The following SEC22A variants were observed in gnomAD, a reference collection of about 807,000 sequenced individuals.
SEC22A encodes the protein vesicle-trafficking protein SEC22a.
Under a neutral mutation model 35.3 loss-of-function variants are expected in SEC22A, and 22 were observed. The ratio of observed to expected loss-of-function variants is 0.62; its 90% CI spans 0.45 to 0.89. The LOEUF (loss-of-function observed/expected upper bound fraction) is 0.89. Among genes scored for constraint, SEC22A ranks in the 40% least tolerant of loss-of-function variants. The pLI is 0.00. For missense variants in SEC22A, 354 were observed against 362.5 expected (o/e 0.98, Z 0.19); for synonymous variants, 119 against 129.5 (o/e 0.92, Z 0.55).
Position 123,268,599 on chromosome 3 carries a change from A to T in SEC22A, c.724-2923A>T, listed in dbSNP as rs565415834. Among the ~76,000 whole-genome samples the T allele has an allele frequency of 2.0e-5, 3 of 152,296 alleles. No individual in the cohort carries two copies. In the East Asian group the frequency reaches 5.8e-4, roughly 29 times the overall value. ...GTTGTTTTTAAAGTAAGTTACAGAC[A>T]TCATGATATTTTTTACCTTAAAATA... is the stretch of plus-strand genomic sequence containing the variant. On this transcript the variant is annotated intron_variant, in intron 6 of 6. Transcript: ENST00000492595.
In SEC22A at chr3:123,255,922, C is replaced by CTT. The variant is rs35426251; in HGVS notation, c.658-3590_658-3589dup. Among the ~76,000 whole-genome samples the CTT allele has an allele frequency of 4.9e-3, 709 of 143,772 alleles. 3 individuals are homozygous for CTT. Among genetic ancestry groups the CTT allele is most frequent in the Non-Finnish European group, 8.9e-3 (581 of 65,380 alleles). 94.3% of individuals were successfully genotyped at this position (143,772 alleles called of 152,430 possible). A position where few individuals can be genotyped will look rare whatever the true frequency, so the allele number is the denominator to read the frequency against. ...TACCTACCATTTTACTTTCTTCTTT[C>CTT]TTTTTTTTTTTTTACTGAGTCATTT... On this transcript the variant is annotated intron_variant, in intron 5 of 6. Transcript: ENST00000492595.
chr3:123,241,048 C>G (rs1937515947), intron 4 of SEC22A, among the ~76,000 whole-genome samples: 1 of 149,420 alleles, frequency 6.7e-6, no homozygotes, highest in African/African-American at 2.5e-5. Context: ...CACACATCCC[C>G]TTCATAATCC....
rs1402406260 is a variant in SEC22A at position 123,272,396 on chromosome 3, C to T, written c.*674C>T. 1 of 152,168 alleles carries T rather than the reference C, an allele frequency of 6.6e-6. No homozygotes were observed. The highest frequency in any genetic ancestry group is 1.5e-5 in the Non-Finnish European group (1 of 68,034). The allele number at this position is 152,168 out of a possible 1,614,324, so 9.4% of individuals were successfully genotyped here. ...ACATTTATTGTTTCTTTTGAAATCA[C>T]GTCTAAAAAATATGACTCACACTAT... On this transcript the variant is annotated 3_prime_UTR_variant, in exon 7 of 7. Transcript: ENST00000492595.
intron 4 of SEC22A, among the ~76,000 whole-genome samples, chr3:123,225,818 C>T (rs1937209954): frequency 6.6e-6 from 1 of 152,110 alleles, no homozygotes; most frequent in Admixed American, 6.5e-5. Context: ...ATTATGTACC[C>T]ATTAACCATC....
intron 4 of SEC22A, among the ~76,000 whole-genome samples, chr3:123,244,422 G>A (rs1441748860): frequency 6.6e-6 from 1 of 152,114 alleles, no homozygotes; most frequent in Non-Finnish European, 1.5e-5. Flanking sequence ...GCCTTTAAAT[G>A]TATAGACGAA....
At chr3:123,211,228 A>T (rs1936935678) in intron 2 of SEC22A, among the ~76,000 whole-genome samples, 1 of 152,096 alleles carries the variant, frequency 6.6e-6, no homozygotes, top group African/African-American at 2.4e-5. Context: ...CACCAAAAGA[A>T]CTAGAATGAT....
intron 4 of SEC22A, 139 bp from the exon 5 acceptor site, chr3:123,245,760 A>G: frequency 1.7e-6 from 1 of 575,970 alleles, no homozygotes; most frequent in South Asian, 2.7e-5. Context: ...ACAGTATTTA[A>G]TTGTGAATAT....
chr3:123,258,915 CT>C (rs1937810750), intron 5 of SEC22A, among the ~76,000 whole-genome samples: 1 of 152,148 alleles, frequency 6.6e-6, no homozygotes, highest in African/African-American at 2.4e-5. Context: ...CATTAGTTTT[CT>C]TTTCAGAGAC....
intron 1 of SEC22A, among the ~76,000 whole-genome samples, chr3:123,204,197 A>G (rs926894681): frequency 6.6e-6 from 1 of 152,246 alleles, no homozygotes; most frequent in Non-Finnish European, 1.5e-5. Flanking sequence ...AAACAAGTTC[A>G]TTTAATTTAA....
rs1938186934 is a variant in SEC22A, at chr3:123,272,265, A to C, written c.*543A>C. On this transcript the variant is annotated 3_prime_UTR_variant, in exon 7 of 7. Coordinates refer to ENST00000492595, the MANE Select transcript of SEC22A (RefSeq NM_012430.5). Reference sequence around the variant, plus strand: ...TTTTTACTTTTATATTTTTGCTTGAATCTTAACTCTGGAAATCACCTGATG... The same window carrying C: ...TTTTTACTTTTATATTTTTGCTTGACTCTTAACTCTGGAAATCACCTGATG... 1 of 152,736 alleles carries C rather than the reference A, an allele frequency of 6.5e-6. No individual in the cohort carries two copies. Among genetic ancestry groups the C allele is most frequent in the Non-Finnish European group, 1.5e-5 (1 of 68,280 alleles). The allele number at this position is 152,736 out of a possible 1,614,324, so 9.5% of individuals were successfully genotyped here. A position where few individuals can be genotyped will look rare whatever the true frequency, so the allele number is the denominator to read the frequency against.
At position 123,259,572 on chromosome 3, in the gene SEC22A, G is replaced by A. The variant is rs974191302; in HGVS notation, c.706G>A (p.Ala236Thr). ...NYIIAFFLGTAACLYQCYLLV... is the reference protein window; with the variant it reads ...NYIIAFFLGTTACLYQCYLLV... The stretch of plus-strand genomic sequence containing the variant: ...CATCATTGCATTTTTCCTTGGAACA[G>A]CAGCCTGCCTTTACCAGGTAGGTTT... Residue 236 changes from alanine (A) to threonine (T), a missense_variant, in exon 6 of 7, where the codon GCA becomes ACA. Physicochemically the swap from Ala to Thr is moderately conservative, Grantham distance 58 (BLOSUM62 0). Coordinates refer to ENST00000492595, the MANE Select transcript of SEC22A (RefSeq NM_012430.5). The A allele has an allele frequency of 1.2e-6, 2 of 1,611,966 alleles. No homozygotes were observed. Among genetic ancestry groups the A allele is most frequent in the African/African-American group, 2.7e-5 (2 of 74,874 alleles).
chr3:123,246,265 A>G (rs1038291296), intron 5 of SEC22A, among the ~76,000 whole-genome samples: 10 of 152,226 alleles, frequency 6.6e-5, no homozygotes, highest in Admixed American at 2.6e-4. Context: ...TGTGTGTGAC[A>G]TAGGCCTTGC....
intron 4 of SEC22A, among the ~76,000 whole-genome samples, chr3:123,231,756 A>G (rs1937331022): frequency 6.6e-6 from 1 of 152,208 alleles, no homozygotes; most frequent in Admixed American, 6.5e-5. Flanking sequence ...TTTCCACTTA[A>G]AGATAATGGA....
intron 4 of SEC22A, among the ~76,000 whole-genome samples, chr3:123,239,788 C>G (rs988193183): frequency 2.0e-5 from 3 of 152,092 alleles, no homozygotes; most frequent in African/African-American, 7.2e-5. Flanking sequence ...TGCCTGTTCA[C>G]TCTGATGGTA....
Position 123,271,766 on chromosome 3 carries a change from A to T in SEC22A, c.*44A>T. ...TTGCCTTGGCTTCAGGGGGATAAGGAGGGAACATATCATAACTGCACTGTG... is the reference window on the plus strand; with the variant it reads ...TTGCCTTGGCTTCAGGGGGATAAGGTGGGAACATATCATAACTGCACTGTG... On this transcript the variant is annotated 3_prime_UTR_variant, in exon 7 of 7. Coordinates refer to ENST00000492595, the MANE Select transcript of SEC22A (RefSeq NM_012430.5). 1 of 1,505,260 alleles carries T rather than the reference A, an allele frequency of 6.6e-7. No homozygotes were observed. 93.2% of individuals were successfully genotyped at this position (1,505,260 alleles called of 1,614,324 possible).
intron 6 of SEC22A, among the ~76,000 whole-genome samples, chr3:123,262,028 T>C (rs1937904773): frequency 6.6e-6 from 1 of 152,248 alleles, no homozygotes; most frequent in South Asian, 2.1e-4. Context: ...TGAAACTGCC[T>C]GCTTTCTAAA....
intron 2 of SEC22A, among the ~76,000 whole-genome samples, chr3:123,216,871 C>A (rs1937035632): frequency 6.6e-6 from 1 of 152,152 alleles, no homozygotes; most frequent in Non-Finnish European, 1.5e-5. Context: ...CTCTGTTGCC[C>A]AGGCAGGAGT....
chr3:123,266,508 T>A (rs1938029899), intron 6 of SEC22A, among the ~76,000 whole-genome samples: 1 of 152,174 alleles, frequency 6.6e-6, no homozygotes, highest in African/African-American at 2.4e-5. Context: ...TTTCAATTTT[T>A]AAAATTTCCT....
At position 123,271,739 on chromosome 3, in the gene SEC22A, T is replaced by C. The variant is rs1341271687; in HGVS notation, c.*17T>C. 6.2e-7 allele frequency: 1 copy of C among 1,609,206 alleles called. No homozygotes were observed. ...GATGTCTGACACCATCCTTCAGATCTATTGCCTTGGCTTCAGGGGGATAAG... is the reference window on the plus strand; with the variant it reads ...GATGTCTGACACCATCCTTCAGATCCATTGCCTTGGCTTCAGGGGGATAAG... On this transcript the variant is annotated 3_prime_UTR_variant, in exon 7 of 7. Coordinates refer to ENST00000492595, the MANE Select transcript of SEC22A (RefSeq NM_012430.5).
Sources: allele counts gnomAD v4.1 joint callset (sites outside exome capture counted in the v4.1 genomes callset), GRCh38; gene constraint gnomAD v4.1.1; transcripts MANE v1.5; gene names NCBI Gene and HGNC (gene_info 2026-07-23, HGNC 2026-07-21).